The following PHKA1 variants were observed in gnomAD, a reference collection of about 807,000 sequenced individuals.
The protein encoded by PHKA1 is phosphorylase b kinase regulatory subunit alpha, skeletal muscle isoform.
Under a neutral mutation model 110.2 loss-of-function variants are expected in PHKA1, and 60 were observed. The observed-to-expected ratio is 0.54, with a 90% CI of 0.44 to 0.68. The LOEUF is 0.68. Ranked by LOEUF, PHKA1 falls within the 30% of genes least tolerant of loss-of-function variation. PHKA1 has a pLI of 0.00. For missense variants in PHKA1, 801 were observed against 942.5 expected (o/e 0.85, Z 1.97); for synonymous variants, 316 against 333.6 (o/e 0.95, Z 0.58).
chrX:72,645,180 T>C (rs781833736), intron 13 of PHKA1, among the ~76,000 whole-genome samples: 1 of 111,645 alleles, frequency 9.0e-6, no homozygotes, highest in East Asian at 2.8e-4. Flanking sequence ...TTCCTGATTC[T>C]TTTTTCACTT....
intron 22 of PHKA1, 100 bp from the exon 23 acceptor site, chrX:72,609,803 A>G (rs1200996354): frequency 6.8e-6 from 4 of 584,516 alleles, no homozygotes; most frequent in Non-Finnish European, 1.2e-5. Flanking sequence ...CTTTAACATA[A>G]TGACACACTG....
At chrX:72,708,527 C>T (rs1022818311) in intron 2 of PHKA1, among the ~76,000 whole-genome samples, 2 of 110,755 alleles carry the variant, frequency 1.8e-5, no homozygotes, top group East Asian at 5.6e-4. Context: ...GAAAGATTGT[C>T]GAGGATGGAA....
intron 31 of PHKA1, among the ~76,000 whole-genome samples, chrX:72,581,460 T>C (rs1556201916): frequency 8.9e-6 from 1 of 112,108 alleles, no homozygotes; most frequent in Non-Finnish European, 1.9e-5. Context: ...AATATAATCA[T>C]TCATCTATTG....
intron 20 of PHKA1, 70 bp downstream of exon 20, chrX:72,619,144 G>T: frequency 1.5e-6 from 1 of 652,832 alleles, no homozygotes; most frequent in Non-Finnish European, 2.5e-6. Flanking sequence ...ATAATGACTA[G>T]TCCTATTATT....
At position 72,710,834 on chromosome X, in the gene PHKA1, T is replaced by A. The variant is rs1480118399; in HGVS notation, c.237+1945A>T. 0.064 allele frequency among the ~76,000 whole-genome samples: 6,778 copies of A among 105,300 alleles called. 775 individuals carry two copies. The East Asian group carries it at 0.67, about 10-fold the overall frequency. The allele number at this position is 105,300 out of a possible 115,157, so 91.4% of individuals were successfully genotyped here. A position where few individuals can be genotyped will look rare whatever the true frequency, so the allele number is the denominator to read the frequency against. The stretch of plus-strand genomic sequence containing the variant: ...AAATTCTTTATTTTTTATTTTTTAT[T>A]TTTTTATTTTTTTTTTTATTTTTAT... On this transcript the variant is annotated intron_variant, in intron 2 of 31. Transcript: ENST00000373542.
At chrX:72,620,544 C>T (rs1556276021) in intron 19 of PHKA1, among the ~76,000 whole-genome samples, 181 bp downstream of exon 19, 2 of 112,144 alleles carry the variant, frequency 1.8e-5, no homozygotes, top group Non-Finnish European at 3.8e-5. Flanking sequence ...CATAACTATA[C>T]ACAATTCACT....
intron 21 of PHKA1, among the ~76,000 whole-genome samples, chrX:72,615,343 T>C (rs1453700402): frequency 4.5e-5 from 5 of 112,078 alleles, no homozygotes; most frequent in African/African-American, 9.7e-5. Flanking sequence ...GTCATATGAA[T>C]ACTCTATTAA....
intron 7 of PHKA1, among the ~76,000 whole-genome samples, chrX:72,667,093 G>A (rs2053623607): frequency 8.9e-6 from 1 of 112,359 alleles, no homozygotes; most frequent in Non-Finnish European, 1.9e-5. Flanking sequence ...CAGAAAGAGA[G>A]ACCATATCCC....
intron 5 of PHKA1, among the ~76,000 whole-genome samples, chrX:72,682,613 C>T (rs2053917483): frequency 9.4e-6 from 1 of 106,467 alleles, no homozygotes; most frequent in African/African-American, 3.4e-5. Flanking sequence ...TCCTGTTGAT[C>T]TGTGACCTTA....
intron 29 of PHKA1, among the ~76,000 whole-genome samples, chrX:72,589,007 G>A (rs932454035): frequency 4.5e-5 from 5 of 111,820 alleles, no homozygotes; most frequent in African/African-American, 1.6e-4. Context: ...GGTACAGAGA[G>A]GAGCTGGTAC....
At chrX:72,628,118 C>A (rs997759997) in intron 16 of PHKA1, among the ~76,000 whole-genome samples, 9 of 110,790 alleles carry the variant, frequency 8.1e-5, no homozygotes, top group African/African-American at 2.6e-4. Context: ...CGTGAGCCAC[C>A]GCGCCAGGCC....
rs968670208 is a variant in PHKA1, at chrX:72,676,054, A to C, written c.618+16T>G. 2 of 1,181,262 alleles carry C rather than the reference A, an allele frequency of 1.7e-6. No individual in the cohort carries two copies. Among genetic ancestry groups the C allele is most frequent in the Admixed American group, 2.2e-5 (1 of 45,926 alleles). On this transcript the variant is annotated intron_variant, in intron 6 of 31. Coordinates refer to ENST00000373542, the MANE Select transcript of PHKA1 (RefSeq NM_002637.4). ...TCCTCATCCCATACTTAGTACAAAC[A>C]GGAAAGGAAAATTACCTTTGCCATT...
chrX:72,669,109 A>T (rs1322531245), intron 6 of PHKA1, among the ~76,000 whole-genome samples: 1 of 111,763 alleles, frequency 8.9e-6, no homozygotes, highest in Non-Finnish European at 1.9e-5. Flanking sequence ...TTTGATGGGT[A>T]CAGCACAGGT....
At position 72,653,677 on chromosome X, in the gene PHKA1, G is replaced by A. The variant is rs1301573696; in HGVS notation, c.1042-147C>T. Reference sequence around the variant, plus strand: ...AGGAAAGGGTATTTACTAAATGCTTGTTATAGGCCAAATATTATGCTAGGA... The same window carrying A: ...AGGAAAGGGTATTTACTAAATGCTTATTATAGGCCAAATATTATGCTAGGA... On this transcript the variant is annotated intron_variant, in intron 10 of 31. Coordinates refer to ENST00000373542, the MANE Select transcript of PHKA1 (RefSeq NM_002637.4). 1.5e-5 allele frequency: 7 copies of A among 479,135 alleles called. No homozygotes were observed. The Admixed American group carries it at 2.0e-4, about 13-fold the overall frequency. The allele number at this position is 479,135 out of a possible 1,213,427, so 39.5% of individuals were successfully genotyped here.
At chrX:72,639,594 T>C (rs971717811) in intron 14 of PHKA1, among the ~76,000 whole-genome samples, 1 of 111,553 alleles carries the variant, frequency 9.0e-6, no homozygotes, top group Non-Finnish European at 1.9e-5. Context: ...AGGTTGTTGG[T>C]CAAAGACATG....
At chrX:72,686,236 A>G (rs1431317613) in intron 4 of PHKA1, among the ~76,000 whole-genome samples, 1 of 111,780 alleles carries the variant, frequency 8.9e-6, no homozygotes, top group Admixed American at 9.5e-5. Flanking sequence ...TCATGAAAAA[A>G]ATCAAACTGT....
chrX:72,703,994 A>C (rs922974115), intron 3 of PHKA1, among the ~76,000 whole-genome samples: 14 of 112,329 alleles, frequency 1.2e-4, no homozygotes, highest in African/African-American at 4.2e-4. Context: ...AACAAGCCTC[A>C]AAAATAAATG....
intron 29 of PHKA1, among the ~76,000 whole-genome samples, chrX:72,591,307 C>T (rs2052517433): frequency 9.0e-6 from 1 of 111,121 alleles, no homozygotes; most frequent in African/African-American, 3.3e-5. Context: ...CAAACTATCA[C>T]AAGGACAGAA....
At chrX:72,655,724 G>A (rs2053486400) in intron 10 of PHKA1, among the ~76,000 whole-genome samples, 1 of 110,750 alleles carries the variant, frequency 9.0e-6, no homozygotes, top group Admixed American at 9.5e-5. Context: ...CCAGGTTCAC[G>A]CCATTCTCCT....
Sources: allele counts gnomAD v4.1 joint callset (sites outside exome capture counted in the v4.1 genomes callset), GRCh38; gene constraint gnomAD v4.1.1; transcripts MANE v1.5; gene names NCBI Gene and HGNC (gene_info 2026-07-23, HGNC 2026-07-21).